The following PRUNE2 variants were observed in gnomAD, a reference collection of about 807,000 sequenced individuals.
The protein encoded by PRUNE2 is prune homolog 2 with BCH domain.
A neutral mutation model predicts 252.0 loss-of-function variants in PRUNE2; 164 were observed. The ratio of observed to expected loss-of-function variants is 0.65; its 90% CI spans 0.57 to 0.74. The LOEUF is 0.74. Ranked by LOEUF, PRUNE2 falls within the 30% of genes least tolerant of loss-of-function variation. The probability of loss-of-function intolerance (pLI) is 0.00; values close to 1 mark genes in which losing one functional copy is unlikely to be tolerated. For missense variants in PRUNE2, 3,495 were observed against 3,711.0 expected (o/e 0.94, Z 1.51); for synonymous variants, 1,292 against 1,350.2 (o/e 0.96, Z 0.94).
At chr9:76,724,930 C>T (rs2047978937) in intron 6 of PRUNE2, among the ~76,000 whole-genome samples, 1 of 152,044 alleles carries the variant, frequency 6.6e-6, no homozygotes, top group Non-Finnish European at 1.5e-5. Flanking sequence ...TGTAATGAAA[C>T]CCCGCTCATT....
At chr9:76,711,480 AAAG>A (rs1351332167) in intron 7 of PRUNE2, 122 bp from the exon 8 acceptor site, 16 of 665,652 alleles carry the variant, frequency 2.4e-5, no homozygotes, top group Admixed American at 3.1e-5. Flanking sequence ...TCTGTCTGAA[AAAG>A]AAGATCTCAA....
chr9:76,663,438 A>AG, intron 9 of PRUNE2, among the ~76,000 whole-genome samples: 1 of 152,160 alleles, frequency 6.6e-6, no homozygotes. Flanking sequence ...GCAAAACTGC[A>AG]GAAACCACAG....
At chr9:76,678,438 TGAAAA>T (rs925524500) in intron 9 of PRUNE2, among the ~76,000 whole-genome samples, 11 of 121,300 alleles carry the variant, frequency 9.1e-5, no homozygotes, top group African/African-American at 3.8e-4. Flanking sequence ...AAAGAAAAAA[TGAAAA>T]GAAGAAAAGA....
intron 15 of PRUNE2, among the ~76,000 whole-genome samples, chr9:76,633,042 C>T (rs569411774): frequency 1.8e-4 from 28 of 151,936 alleles, no homozygotes; most frequent in Admixed American, 6.6e-4. Flanking sequence ...GCCAACATGG[C>T]GAAAACCTGT....
chr9:76,819,969 G>A (rs1430462278), intron 6 of PRUNE2, among the ~76,000 whole-genome samples: 1 of 152,156 alleles, frequency 6.6e-6, no homozygotes, highest in Non-Finnish European at 1.5e-5. Flanking sequence ...ATTCTCTTCT[G>A]ATGATCAAAT....
At chr9:76,797,747 G>A (rs1183447858) in intron 6 of PRUNE2, among the ~76,000 whole-genome samples, 2 of 151,252 alleles carry the variant, frequency 1.3e-5, no homozygotes, top group African/African-American at 4.9e-5. Context: ...AGCAGCAGCA[G>A]TTCTGGTGCT....
chr9:76,704,582 G>C (rs75443791), intron 8 of PRUNE2, among the ~76,000 whole-genome samples, 179 bp downstream of exon 8: 1 of 152,168 alleles, frequency 6.6e-6, no homozygotes, highest in Non-Finnish European at 1.5e-5. Context: ...TCAGGAATAG[G>C]TATTACATAT....
intron 6 of PRUNE2, among the ~76,000 whole-genome samples, chr9:76,752,102 T>TA (rs1206206696): frequency 6.7e-6 from 1 of 149,730 alleles, no homozygotes; most frequent in Non-Finnish European, 1.5e-5. Context: ...TTTTGGTTTT[T>TA]TTTTTTTTTT....
chr9:76,618,597 T>C (rs1830698719), intron 18 of PRUNE2, among the ~76,000 whole-genome samples: 1 of 152,208 alleles, frequency 6.6e-6, no homozygotes, highest in Non-Finnish European at 1.5e-5. Flanking sequence ...AAATTGGAAG[T>C]GGTACACCCA....
chr9:76,704,974 G>C lies in PRUNE2; in HGVS notation c.7300C>G (p.Leu2434Val). The C allele has an allele frequency of 6.2e-7, 1 of 1,613,592 alleles. No individual in the cohort carries two copies. The highest frequency in any genetic ancestry group is 8.5e-7 in the Non-Finnish European group (1 of 1,179,684). Residue 2434 changes from leucine to valine, a missense_variant, in exon 8 of 19, where the codon CTT (leucine) becomes GTT (valine). Transcript: ENST00000376718. ...CRAAEIVLSA[L>V]PDRRSEGNQA... ...TTTCCCTCACTTCTTCGATCAGGAA[G>C]TGCAGAAAGCACTATCTCTGCTGCT...
chr9:76,780,835 G>A (rs1002650826), intron 6 of PRUNE2, among the ~76,000 whole-genome samples: 1 of 152,154 alleles, frequency 6.6e-6, no homozygotes, highest in African/African-American at 2.4e-5. Context: ...CCATCGTATC[G>A]GGAGATGCCC....
intron 5 of PRUNE2, among the ~76,000 whole-genome samples, chr9:76,826,302 T>C (rs1260471466): frequency 6.6e-6 from 1 of 152,148 alleles, no homozygotes; most frequent in Non-Finnish European, 1.5e-5. Flanking sequence ...GGTCAAGCCC[T>C]GCCTCTACTA....
At chr9:76,746,654 G>A (rs971623602) in intron 6 of PRUNE2, among the ~76,000 whole-genome samples, 2 of 143,730 alleles carry the variant, frequency 1.4e-5, no homozygotes, top group Admixed American at 7.1e-5. Context: ...GCAGTGAGCC[G>A]AGATTGCGCC....
chr9:76,881,710 C>T (rs1223594829), intron 1 of PRUNE2, among the ~76,000 whole-genome samples: 1 of 152,056 alleles, frequency 6.6e-6, no homozygotes, highest in Non-Finnish European at 1.5e-5. Flanking sequence ...CAACCTCCAC[C>T]TCCCAGGTTC....
At chr9:76,734,076 G>A (rs191386195) in intron 6 of PRUNE2, among the ~76,000 whole-genome samples, 26 of 152,122 alleles carry the variant, frequency 1.7e-4, no homozygotes, top group African/African-American at 5.8e-4. Context: ...TCAAGTCTGG[G>A]CATCATGAAA....
At chr9:76,884,311 G>A (rs887261523) in intron 1 of PRUNE2, among the ~76,000 whole-genome samples, 2 of 151,994 alleles carry the variant, frequency 1.3e-5, no homozygotes, top group African/African-American at 4.8e-5. Flanking sequence ...ATCCCTTCTG[G>A]GTAAATTTAA....
intron 3 of PRUNE2, among the ~76,000 whole-genome samples, chr9:76,848,248 A>G (rs1003955494): frequency 6.6e-6 from 1 of 152,238 alleles, no homozygotes; most frequent in Non-Finnish European, 1.5e-5. Context: ...TGGGTGACAG[A>G]GCAAGAATCC....
In PRUNE2 at chr9:76,826,707, G is replaced by A; in HGVS notation, c.534C>T (p.Thr178=). 3 of 1,609,074 alleles carry A rather than the reference G, an allele frequency of 1.9e-6. No homozygotes were observed. The highest frequency in any genetic ancestry group is 2.5e-6 in the Non-Finnish European group (3 of 1,177,284). Reference sequence around the variant, plus strand: ...TCTCTGAGATCTTCTCTGATTCCATGGTCATCCACTTGAAAAGAATGCTAC... The same window carrying A: ...TCTCTGAGATCTTCTCTGATTCCATAGTCATCCACTTGAAAAGAATGCTAC... ...LRGSILFKWM[T]MESEKISEKQ... Residue 178 remains threonine, a synonymous_variant, in exon 5 of 19, where the codon ACC becomes ACT. Transcript: ENST00000376718.
chr9:76,639,061 G>C (rs1841395135), intron 12 of PRUNE2, among the ~76,000 whole-genome samples: 1 of 152,162 alleles, frequency 6.6e-6, no homozygotes, highest in Non-Finnish European at 1.5e-5. Context: ...AAAGCTTGGA[G>C]GAAATCTCTA....
Sources: gnomAD v4.1 joint callset for allele counts (sites outside exome capture counted in the v4.1 genomes callset) on GRCh38, gnomAD v4.1.1 for gene constraint, MANE v1.5 for transcripts, NCBI Gene and HGNC (gene_info 2026-07-23, HGNC 2026-07-21) for gene names.